The following NMD3 variants were observed in gnomAD, a reference collection of about 807,000 sequenced individuals.
The protein encoded by NMD3 is 60S ribosomal export protein NMD3.
A neutral mutation model predicts 73.1 loss-of-function variants in NMD3; 47 were observed. That is an observed-to-expected ratio of 0.64 (90% CI 0.51 to 0.82). NMD3 has a LOEUF of 0.82. Ranked by LOEUF, NMD3 falls within the 40% of genes least tolerant of loss-of-function variation. NMD3 has a pLI of 0.00. For synonymous variants in NMD3, 210 were observed against 194.5 expected (o/e 1.08, Z -0.66); for missense variants, 554 against 612.5 (o/e 0.90, Z 1.01).
intron 9 of NMD3, among the ~76,000 whole-genome samples, chr3:161,239,561 A>G (rs546543165): frequency 6.6e-6 from 1 of 152,300 alleles, no homozygotes; most frequent in South Asian, 2.1e-4. Flanking sequence ...ATCTCATAAT[A>G]ACTGAGGTAA....
intron 3 of NMD3, among the ~76,000 whole-genome samples, chr3:161,225,893 AAC>A (rs1429913980): frequency 6.6e-6 from 1 of 152,044 alleles, no homozygotes; most frequent in Non-Finnish European, 1.5e-5. Context: ...TATATACACA[AAC>A]ACATGAAACT....
At chr3:161,227,683 G>A (rs1221442837) in intron 4 of NMD3, among the ~76,000 whole-genome samples, 1 of 151,844 alleles carries the variant, frequency 6.6e-6, no homozygotes, top group African/African-American at 2.4e-5. Flanking sequence ...TCCTGACCTC[G>A]TGATCTGCCT....
At chr3:161,238,261 C>T (rs1235430919) in intron 8 of NMD3, 70 bp downstream of exon 8, 5 of 907,090 alleles carry the variant, frequency 5.5e-6, no homozygotes, top group African/African-American at 1.7e-5. Context: ...ATATATTCTT[C>T]AGGCTCAGAC....
In NMD3 at chr3:161,238,716, T is replaced by C; in HGVS notation, c.657-14T>C. On this transcript the variant is annotated splice_polypyrimidine_tract_variant and intron_variant, in intron 8 of 15. Transcript: ENST00000351193. ...TCTTTGTCTTTATATTACTACTAAC[T>C]TTTTTCTTAATAGATACAAAGCATC... The C allele has an allele frequency of 7.7e-7, 1 of 1,301,952 alleles. No individual in the cohort carries two copies. Among genetic ancestry groups the C allele is most frequent in the Non-Finnish European group, 1.1e-6 (1 of 898,682 alleles). The allele number at this position is 1,301,952 out of a possible 1,614,324, so 80.6% of individuals were successfully genotyped here. A position where few individuals can be genotyped will look rare whatever the true frequency, so the allele number is the denominator to read the frequency against.
At chr3:161,232,096 A>G (rs954797309) in intron 4 of NMD3, among the ~76,000 whole-genome samples, 2 of 142,932 alleles carry the variant, frequency 1.4e-5, no homozygotes, top group African/African-American at 5.2e-5. Context: ...TGGAGGTTGG[A>G]GCTTGAGGGG....
chr3:161,230,909 T>C (rs1736516059), intron 4 of NMD3, among the ~76,000 whole-genome samples: 1 of 152,148 alleles, frequency 6.6e-6, no homozygotes, highest in Non-Finnish European at 1.5e-5. Context: ...GCGGAAGATA[T>C]GAAATAGTCC....
chr3:161,228,689 T>G (rs965382007), intron 4 of NMD3, among the ~76,000 whole-genome samples: 18 of 152,184 alleles, frequency 1.2e-4, no homozygotes, highest in African/African-American at 4.1e-4. Flanking sequence ...CAGATGTTTA[T>G]TAAGTACCAA....
chr3:161,233,850 T>C (rs192079469), intron 5 of NMD3, among the ~76,000 whole-genome samples: 2 of 152,304 alleles, frequency 1.3e-5, no homozygotes, highest in Admixed American at 6.5e-5. Context: ...TCTGAAATGC[T>C]TGGGACAAGA....
chr3:161,223,561 T>TA (rs1425550143), intron 2 of NMD3, among the ~76,000 whole-genome samples: 3 of 152,152 alleles, frequency 2.0e-5, no homozygotes, highest in South Asian at 2.1e-4. Flanking sequence ...ATTTAGATAT[T>TA]AGTTTCTATT....
At chr3:161,224,881 G>A in intron 2 of NMD3, 49 bp from the exon 3 acceptor site, 2 of 1,521,804 alleles carry the variant, frequency 1.3e-6, no homozygotes, top group Non-Finnish European at 1.8e-6. Flanking sequence ...AAAAAATTTA[G>A]TGTATTTTAA....
chr3:161,241,248 C>G, intron 10 of NMD3, 85 bp downstream of exon 10: 1 of 838,496 alleles, frequency 1.2e-6, no homozygotes, highest in Non-Finnish European at 2.0e-6. Context: ...TTCAAGCATT[C>G]TTGCTAATAT....
At position 161,251,068 on chromosome 3, in the gene NMD3, A is replaced by G. The variant is rs1031076426; in HGVS notation, c.*158A>G. ...TTCAGTGCTCACTCAAACCACTAAA[A>G]CAGATGGATAGCTTTGAGGTTTTAG... On this transcript the variant is annotated 3_prime_UTR_variant, in exon 16 of 16. Transcript: ENST00000351193. 3 of 544,070 alleles carry G rather than the reference A, an allele frequency of 5.5e-6. No homozygotes were observed. Among genetic ancestry groups the G allele is most frequent in the Non-Finnish European group, 6.5e-6 (2 of 306,044 alleles). 33.7% of individuals were successfully genotyped at this position (544,070 alleles called of 1,614,324 possible). A position where few individuals can be genotyped will look rare whatever the true frequency, so the allele number is the denominator to read the frequency against.
chr3:161,238,041 T>G (rs1013597907), intron 7 of NMD3, 72 bp from the exon 8 acceptor site: 1 of 972,216 alleles, frequency 1.0e-6, no homozygotes, highest in African/African-American at 1.7e-5. Flanking sequence ...TAATTTATAA[T>G]ATAGTCATGT....
At chr3:161,225,106 T>G in intron 3 of NMD3, 42 bp downstream of exon 3, 1 of 1,553,112 alleles carries the variant, frequency 6.4e-7, no homozygotes. Context: ...AGTTGGAATT[T>G]ACATTTAGAG....
chr3:161,248,316 C>A (rs1737338406), intron 13 of NMD3, among the ~76,000 whole-genome samples: 1 of 151,700 alleles, frequency 6.6e-6, no homozygotes, highest in Admixed American at 6.6e-5. Flanking sequence ...ACAGTGAAAC[C>A]CCATCTTTAC....
intron 7 of NMD3, among the ~76,000 whole-genome samples, chr3:161,236,540 G>A (rs1173553539): frequency 6.6e-6 from 1 of 151,966 alleles, no homozygotes. Flanking sequence ...ATTCTTAATG[G>A]TGTCCTTTGA....
Position 161,233,387 on chromosome 3 carries a change from GT to G in NMD3, c.277-8del. 1 of 1,595,666 alleles carries G rather than the reference GT, an allele frequency of 6.3e-7. No individual in the cohort carries two copies. Among genetic ancestry groups the G allele is most frequent in the Non-Finnish European group, 8.6e-7 (1 of 1,168,832 alleles). On this transcript the variant is annotated splice_polypyrimidine_tract_variant and intron_variant, in intron 4 of 15. Coordinates refer to ENST00000351193, the MANE Select transcript of NMD3 (RefSeq NM_015938.5). ...AGAACTTACGTTTCTTTTTGTTTGT[GT>G]TTTATTGAAGGTACGGCTTGTAGAT...
intron 7 of NMD3, 32 bp from the exon 8 acceptor site, chr3:161,238,081 T>C: frequency 2.8e-6 from 4 of 1,442,552 alleles, no homozygotes; most frequent in South Asian, 2.5e-5. Context: ...TTTGCATAAT[T>C]ATTTTCATAG....
At chr3:161,252,687 A>C, downstream of NMD3, 1 of 569,268 alleles carries the variant, frequency 1.8e-6, no homozygotes, top group Non-Finnish European at 3.2e-6. Context: ...GAAGGCTGGT[A>C]TTAATCAAAT....
Sources: gnomAD v4.1 joint callset for allele counts (sites outside exome capture counted in the v4.1 genomes callset) on GRCh38, gnomAD v4.1.1 for gene constraint, MANE v1.5 for transcripts, NCBI Gene and HGNC (gene_info 2026-07-23, HGNC 2026-07-21) for gene names.